The following ATP6V1B2 variants were observed in gnomAD, a reference collection of about 807,000 sequenced individuals.
ATP6V1B2 encodes V-type proton ATPase subunit B, brain isoform.
ATP6V1B2 carries 23 observed loss-of-function variants against 66.7 expected under a neutral mutation model. That is an observed-to-expected ratio of 0.34 (90% CI 0.25 to 0.49). The LOEUF is 0.49. ATP6V1B2 is among the 20% of genes least tolerant of loss of function. The probability of loss-of-function intolerance (pLI) is 0.99; values close to 1 mark genes in which losing one functional copy is unlikely to be tolerated. For synonymous variants in ATP6V1B2, 278 were observed against 236.7 expected (o/e 1.17, Z -1.60); for missense variants, 478 against 650.8 (o/e 0.73, Z 2.89).
chr8:20,216,279 C>CT (rs1347591287), intron 10 of ATP6V1B2, 134 bp from the exon 11 acceptor site: 10 of 680,572 alleles, frequency 1.5e-5, no homozygotes, highest in Non-Finnish European at 2.3e-5. Context: ...GAAAATGACT[C>CT]TAAGAACACT....
intron 13 of ATP6V1B2, among the ~76,000 whole-genome samples, chr8:20,218,772 A>G (rs940688307): frequency 5.9e-5 from 9 of 152,174 alleles, no homozygotes; most frequent in Middle Eastern, 6.8e-3. Context: ...TGTGGGCTCT[A>G]TGATGTGTGG....
At chr8:20,203,461 T>C (rs1206572211) in intron 1 of ATP6V1B2, among the ~76,000 whole-genome samples, 1 of 152,220 alleles carries the variant, frequency 6.6e-6, no homozygotes, top group Non-Finnish European at 1.5e-5. Context: ...GGAGTCCACA[T>C]CTGTGCCAGG....
At chr8:20,212,314 C>T in intron 8 of ATP6V1B2, 115 bp downstream of exon 8, 2 of 959,744 alleles carry the variant, frequency 2.1e-6, no homozygotes, top group Non-Finnish European at 3.2e-6. Flanking sequence ...ATGAGGTAAC[C>T]CTGTATTTAA....
At chr8:20,205,964 GA>G (rs2072734497) in intron 2 of ATP6V1B2, among the ~76,000 whole-genome samples, 1 of 151,966 alleles carries the variant, frequency 6.6e-6, no homozygotes, top group Non-Finnish European at 1.5e-5. Flanking sequence ...GATTAAACTA[GA>G]AAAAGCTTAT....
At position 20,217,336 on chromosome 8, in the gene ATP6V1B2, C is replaced by A; in HGVS notation, c.1266+12C>A. 6.3e-7 allele frequency: 1 copy of A among 1,589,840 alleles called. No homozygotes were observed. The highest frequency in any genetic ancestry group is 8.6e-7 in the Non-Finnish European group (1 of 1,158,198). On this transcript the variant is annotated intron_variant, in intron 12 of 13. Coordinates refer to ENST00000276390, the MANE Select transcript of ATP6V1B2 (RefSeq NM_001693.4). ...TATCTAACCAGCTAGTATGTACATT[C>A]TTCTAAGAATGGTGTTTGAAAATAT...
intron 2 of ATP6V1B2, among the ~76,000 whole-genome samples, chr8:20,207,216 G>C (rs903183606): frequency 2.6e-5 from 4 of 152,092 alleles, no homozygotes; most frequent in African/African-American, 9.7e-5. Context: ...TTAAAAATGA[G>C]GATTTGGTTC....
chr8:20,206,290 C>A (rs757528947), intron 2 of ATP6V1B2, among the ~76,000 whole-genome samples: 1 of 152,182 alleles, frequency 6.6e-6, no homozygotes. Flanking sequence ...TCAGTTCTGG[C>A]ACTCACTGCA....
chr8:20,209,654 C>G, intron 3 of ATP6V1B2, 123 bp downstream of exon 3: 1 of 908,080 alleles, frequency 1.1e-6, no homozygotes, highest in South Asian at 1.6e-5. Context: ...TGGTTACCGG[C>G]TGCAGGGAAA....
chr8:20,215,023 A>G, intron 10 of ATP6V1B2, 55 bp downstream of exon 10: 2 of 1,514,084 alleles, frequency 1.3e-6, no homozygotes, highest in Non-Finnish European at 1.8e-6. Flanking sequence ...GAGAGAGAAG[A>G]CCCATCTACC....
At chr8:20,208,709 CTT>C (rs201825705) in intron 2 of ATP6V1B2, among the ~76,000 whole-genome samples, 15 of 134,060 alleles carry the variant, frequency 1.1e-4, no homozygotes, top group Admixed American at 2.3e-4. Context: ...TAGTAACTTT[CTT>C]TTTTTTTTTT....
chr8:20,210,102 A>G (rs529815693), intron 3 of ATP6V1B2, among the ~76,000 whole-genome samples: 2 of 148,510 alleles, frequency 1.3e-5, no homozygotes, highest in Admixed American at 1.3e-4. Context: ...TTATATATTT[A>G]TATTTATGTA....
At chr8:20,212,430 A>G (rs950605024) in intron 8 of ATP6V1B2, among the ~76,000 whole-genome samples, 9 of 152,198 alleles carry the variant, frequency 5.9e-5, no homozygotes, top group African/African-American at 1.2e-4. Context: ...GTTGTTTTGC[A>G]TATTAAATGA....
intron 1 of ATP6V1B2, among the ~76,000 whole-genome samples, chr8:20,202,995 G>C (rs554268344): frequency 6.6e-6 from 1 of 152,122 alleles, no homozygotes; most frequent in Non-Finnish European, 1.5e-5. Flanking sequence ...TTTAAAATGA[G>C]AACAATGAAG....
rs565455880 is a variant in ATP6V1B2, at chr8:20,208,366, C to T, written c.193-1067C>T. ...GTTTTAACATTAATACTAAGGTGCC[C>T]ATATCTCCAAAGGGTCTTAAAGCAA... On this transcript the variant is annotated intron_variant, in intron 2 of 13. Transcript: ENST00000276390. 7.7e-4 allele frequency among the ~76,000 whole-genome samples: 117 copies of T among 152,262 alleles called. 1 individual carries two copies. Among genetic ancestry groups the T allele is most frequent in the African/African-American group, 2.7e-3 (114 of 41,550 alleles).
Position 20,197,504 on chromosome 8 carries a change from T to G in ATP6V1B2, c.98T>G (p.Leu33Arg). Residue 33 changes from leucine to arginine, a missense_variant, in exon 1 of 14, where the codon CTG becomes CGG. Physicochemically the swap from Leu to Arg is moderately radical, Grantham distance 102. This residue lies in a region of ATP6V1B2 where 152 missense variants were observed against 105.2 expected (regional missense o/e 1.44). Coordinates refer to ENST00000276390, the MANE Select transcript of ATP6V1B2 (RefSeq NM_001693.4). Reference protein sequence around the residue: ...GPAVGAREQALAVSRNYLSQP... With the variant: ...GPAVGAREQARAVSRNYLSQP... ...GCGGTGGGAGCTCGGGAGCAGGCGCTGGCAGTCAGTCGGAACTACCTCTCC... is the reference window on the plus strand; with the variant it reads ...GCGGTGGGAGCTCGGGAGCAGGCGCGGGCAGTCAGTCGGAACTACCTCTCC... 6.7e-7 allele frequency: 1 copy of G among 1,488,798 alleles called. No individual in the cohort carries two copies. Among genetic ancestry groups the G allele is most frequent in the South Asian group, 1.3e-5 (1 of 76,254 alleles). The allele number at this position is 1,488,798 out of a possible 1,614,324, so 92.2% of individuals were successfully genotyped here.
At position 20,201,265 on chromosome 8, in the gene ATP6V1B2, G is replaced by A. The variant is rs1009444519; in HGVS notation, c.137-3219G>A. On this transcript the variant is annotated intron_variant, in intron 1 of 13. Coordinates refer to ENST00000276390, the MANE Select transcript of ATP6V1B2 (RefSeq NM_001693.4). The stretch of plus-strand genomic sequence containing the variant: ...ATTCTTTTTCATTTGGAGAGGAGTG[G>A]TCAATATGTAGGTAAATAGAAATAT... 1.1e-4 allele frequency among the ~76,000 whole-genome samples: 16 copies of A among 152,142 alleles called. No homozygotes were observed. The East Asian group carries it at 3.1e-3, about 29-fold the overall frequency.
At chr8:20,209,360 A>G (rs560455513) in intron 2 of ATP6V1B2, 73 bp from the exon 3 acceptor site, 1,123 of 1,418,668 alleles carry the variant, frequency 7.9e-4, no homozygotes, top group Non-Finnish European at 1.1e-3. Flanking sequence ...AACATGGGAG[A>G]GACAGAGCAT....
In ATP6V1B2 at chr8:20,218,191, G is replaced by C. The variant is rs756871014; in HGVS notation, c.1305G>C (p.Met435Ile). 1 of 1,613,462 alleles carries C rather than the reference G, an allele frequency of 6.2e-7. No individual in the cohort carries two copies. Among genetic ancestry groups the C allele is most frequent in the Non-Finnish European group, 8.5e-7 (1 of 1,179,528 alleles). The change falls in exon 13 of 14, where the codon ATG becomes ATC. Residue 435 changes from methionine to isoleucine, a missense_variant. Physicochemically the swap from Met to Ile is conservative, Grantham distance 10. Around this residue, in one of 2 missense-constraint regions of ATP6V1B2, gnomAD observed 326 missense variants for 545.6 expected, o/e 0.60. Coordinates refer to ENST00000276390, the MANE Select transcript of ATP6V1B2 (RefSeq NM_001693.4). ...CYAIGKDVQAMKAVVGEEALT... is the reference protein window; with the variant it reads ...CYAIGKDVQAIKAVVGEEALT... ...CTATTGGAAAGGATGTGCAAGCCAT[G>C]AAAGCTGTCGTTGGAGAAGAAGCCC...
At chr8:20,204,453 C>T (rs1293156502) in intron 1 of ATP6V1B2, 31 bp from the exon 2 acceptor site, 1 of 1,596,104 alleles carries the variant, frequency 6.3e-7, no homozygotes, top group Non-Finnish European at 8.6e-7. Context: ...TGCTATTTGA[C>T]TAAAACTGAC....
Sources: allele counts gnomAD v4.1 joint callset (sites outside exome capture counted in the v4.1 genomes callset), GRCh38; gene constraint gnomAD v4.1.1; regional missense constraint gnomAD v4.1.1; transcripts MANE v1.5; gene names NCBI Gene and HGNC (gene_info 2026-07-23, HGNC 2026-07-21).